NPC1: variants seen among roughly 807,000 people sequenced by gnomAD.
NPC1 encodes the protein NPC intracellular cholesterol transporter 1, also known as Niemann-Pick C1 protein.
A neutral mutation model predicts 140.4 loss-of-function variants in NPC1; 85 were observed. That is an observed-to-expected ratio of 0.61 (90% CI 0.51 to 0.72). The LOEUF (loss-of-function observed/expected upper bound fraction) is 0.72, where lower values mean the gene tolerates loss of function less well. Among genes scored for constraint, NPC1 ranks in the 30% least tolerant of loss-of-function variants. The pLI is 0.00. For missense variants in NPC1, 1,504 were observed against 1,623.8 expected (o/e 0.93, Z 1.27); for synonymous variants, 656 against 624.8 (o/e 1.05, Z -0.74).
At chr18:23,558,072 A>G (rs1598980323) in intron 6 of NPC1, among the ~76,000 whole-genome samples, 1 of 152,246 alleles carries the variant, frequency 6.6e-6, no homozygotes, top group East Asian at 1.9e-4. Context: ...CTTTCTGTAC[A>G]GAAGTCCAGT....
At chr18:23,562,400 C>T (rs1425304737) in intron 4 of NPC1, among the ~76,000 whole-genome samples, 1 of 151,912 alleles carries the variant, frequency 6.6e-6, no homozygotes, top group Non-Finnish European at 1.5e-5. Flanking sequence ...CAGTGTATTA[C>T]ACCTAAGAAA....
Position 23,573,389 on chromosome 18 carries a change from A to G in NPC1, c.180+63T>C, listed in dbSNP as rs1246761473. The G allele has an allele frequency of 4.4e-6, 7 of 1,608,382 alleles. No individual in the cohort carries two copies. The African/African-American group carries it at 5.3e-5, about 12-fold the overall frequency. On this transcript the variant is annotated intron_variant, in intron 2 of 24. Coordinates refer to ENST00000269228, the MANE Select transcript of NPC1 (RefSeq NM_000271.5). ...TCCACCCTGCAATAACATTTAAGGA[A>G]TAATTACAGAGGATCTTGTGATCAG...
chr18:23,544,275 G>T, intron 13 of NPC1, 69 bp downstream of exon 13: 1 of 1,457,002 alleles, frequency 6.9e-7, no homozygotes, highest in Non-Finnish European at 9.6e-7. Flanking sequence ...CGAATGCGGA[G>T]CCCAGGAGCC....
At chr18:23,551,982 G>A (rs1464829811) in intron 9 of NPC1, among the ~76,000 whole-genome samples, 1 of 152,188 alleles carries the variant, frequency 6.6e-6, no homozygotes, top group East Asian at 1.9e-4. Context: ...ACAGAGGAGG[G>A]AGCAAACACT....
chr18:23,512,977 G>A (rs2057902734), intron 3 of NPC1, among the ~76,000 whole-genome samples: 1 of 151,004 alleles, frequency 6.6e-6, no homozygotes, highest in Admixed American at 6.6e-5. Flanking sequence ...TTTTTAAGAT[G>A]GAGTCTTGCT....
In NPC1 at chr18:23,544,394, C is replaced by A. The variant is rs2058754262; in HGVS notation, c.2080G>T (p.Val694Leu). The A allele has an allele frequency of 1.2e-6, 2 of 1,614,038 alleles. No homozygotes were observed. Among genetic ancestry groups the A allele is most frequent in the African/African-American group, 1.3e-5 (1 of 74,896 alleles). Residue 694 changes from valine (V) to leucine (L), a missense_variant, in exon 13 of 25, where the codon GTG (valine) becomes TTG (leucine). Coordinates refer to ENST00000269228, the MANE Select transcript of NPC1 (RefSeq NM_000271.5). ...ATGTTGTCCACTCCAACAGCCAGCA[C>A]CAGGAACGGGATGACTTCAATCACA... ...LIVIEVIPFL[V>L]LAVGVDNIFI...
intron 10 of NPC1, among the ~76,000 whole-genome samples, chr18:23,548,376 T>C (rs1012700408): frequency 6.7e-6 from 1 of 150,206 alleles, no homozygotes; most frequent in Admixed American, 6.6e-5. Context: ...AGTACATGCA[T>C]GTTAACAATT....
intron 3 of NPC1, among the ~76,000 whole-genome samples, chr18:23,571,261 G>C (rs2059198858): frequency 6.6e-6 from 1 of 150,942 alleles, no homozygotes; most frequent in Non-Finnish European, 1.5e-5. Context: ...GCTGGGAACT[G>C]TGGTTCACAC....
intron 10 of NPC1, 65 bp from the exon 11 acceptor site, chr18:23,548,173 A>T (rs1049453201): frequency 4.3e-6 from 4 of 924,854 alleles, no homozygotes; most frequent in South Asian, 3.9e-5. Flanking sequence ...GACACATACC[A>T]GGGGAAAAAT....
chr18:23,571,101 C>T (rs570913270), intron 3 of NPC1, among the ~76,000 whole-genome samples: 1 of 152,258 alleles, frequency 6.6e-6, no homozygotes, highest in African/African-American at 2.4e-5. Context: ...AGGGTGAGAA[C>T]ATCGCAGAGG....
intron 21 of NPC1, among the ~76,000 whole-genome samples, chr18:23,536,332 GTTCA>G (rs2058630456): frequency 6.6e-6 from 1 of 152,184 alleles, no homozygotes; most frequent in South Asian, 2.1e-4. Context: ...AGGGATTCTG[GTTCA>G]TTGTTGGCCA....
In NPC1 at chr18:23,579,802, G is replaced by A. The variant is rs997863894; in HGVS notation, c.58-6228C>T. 5.9e-5 allele frequency among the ~76,000 whole-genome samples: 9 copies of A among 151,938 alleles called. No individual in the cohort carries two copies. In the South Asian group the frequency reaches 1.0e-3, roughly 18 times the overall value. On this transcript the variant is annotated intron_variant, in intron 1 of 24. Coordinates refer to ENST00000269228, the MANE Select transcript of NPC1 (RefSeq NM_000271.5). ...CTACAGGCTGAGACAGGAGAATGGC[G>A]TGAACCCGGGAGGCGGAGGTTGCAG...
intron 6 of NPC1, among the ~76,000 whole-genome samples, chr18:23,558,016 T>A (rs1311994201): frequency 1.3e-5 from 2 of 152,056 alleles, no homozygotes; most frequent in East Asian, 3.9e-4. Flanking sequence ...GAATTAAAAG[T>A]CCATGATGTA....
At chr18:23,524,323 T>C, downstream of NPC1, 1 of 1,494,016 alleles carries the variant, frequency 6.7e-7, no homozygotes, top group East Asian at 2.3e-5. Flanking sequence ...GGGCCTCGCG[T>C]TTAGCGTGGA....
Position 23,545,114 on chromosome 18 carries a change from T to C in NPC1, c.1793A>G (p.Asn598Ser), listed in dbSNP as rs201236716. The C allele has an allele frequency of 8.2e-5, 133 of 1,613,488 alleles. No homozygotes were observed. The highest frequency in any genetic ancestry group is 1.1e-4 in the Non-Finnish European group (129 of 1,179,386). The change falls in exon 12 of 25, where the codon AAT becomes AGT. Residue 598 changes from asparagine to serine, a missense_variant. Asn to Ser is a conservative substitution (Grantham distance 46). Transcript: ENST00000269228. ...TTCAGCAGTGAAGGAAATGGTCAGA[T>C]TGGGATTCTTGTAGTTTTTCACAAA... ...INFVKNYKNP[N>S]LTISFTAERS...
rs1000073339 is a variant in NPC1, at chr18:23,549,742, C to CT, written c.1655-1635dup. 9.4e-3 allele frequency among the ~76,000 whole-genome samples: 1,297 copies of CT among 137,948 alleles called. 34 individuals carry two copies. The highest frequency in any genetic ancestry group is 0.024 in the African/African-American group (890 of 36,640). 90.5% of individuals were successfully genotyped at this position (137,948 alleles called of 152,430 possible). ...CAGGTTGTTGATCTTTTTTTCACAA[C>CT]TTTTTTTTTTTTTTTTAAGACGGAG... On this transcript the variant is annotated intron_variant, in intron 10 of 24. Coordinates refer to ENST00000269228, the MANE Select transcript of NPC1 (RefSeq NM_000271.5).
chr18:23,583,364 T>C (rs1206755664), intron 1 of NPC1, among the ~76,000 whole-genome samples: 1 of 152,152 alleles, frequency 6.6e-6, no homozygotes, highest in African/African-American at 2.4e-5. Context: ...CAAGGTCTTT[T>C]AATGAGGCAG....
At chr18:23,545,973 G>T (rs1235051289) in intron 11 of NPC1, among the ~76,000 whole-genome samples, 1 of 152,154 alleles carries the variant, frequency 6.6e-6, no homozygotes, top group African/African-American at 2.4e-5. Context: ...TTAGGGCTGG[G>T]CTCAATGGCT....
chr18:23,573,782 GCTTA>G (rs2145553215), intron 1 of NPC1, among the ~76,000 whole-genome samples: 1 of 152,264 alleles, frequency 6.6e-6, no homozygotes, highest in South Asian at 2.1e-4. Context: ...AATGGAAATT[GCTTA>G]TTTACATAAT....
Sources: gnomAD v4.1 joint callset for allele counts (sites outside exome capture counted in the v4.1 genomes callset) on GRCh38, gnomAD v4.1.1 for gene constraint, MANE v1.5 for transcripts, NCBI Gene and HGNC (gene_info 2026-07-23, HGNC 2026-07-21) for gene names.